The following UNC5C variants were observed in gnomAD, a reference collection of about 807,000 sequenced individuals.
The protein encoded by UNC5C is netrin receptor UNC5C.
UNC5C carries 47 observed loss-of-function variants against 99.8 expected under a neutral mutation model. The observed-to-expected ratio is 0.47, with a 90% CI of 0.37 to 0.60. The LOEUF (loss-of-function observed/expected upper bound fraction) is 0.60. Ranked by LOEUF, UNC5C falls within the 20% of genes least tolerant of loss-of-function variation. The pLI is 0.00. For missense variants in UNC5C, 1,062 were observed against 1,165.9 expected (o/e 0.91, Z 1.30); for synonymous variants, 487 against 452.2 (o/e 1.08, Z -0.98).
intron 4 of UNC5C, among the ~76,000 whole-genome samples, chr4:95,253,732 C>G (rs563108064): frequency 1.3e-5 from 2 of 152,128 alleles, no homozygotes; most frequent in South Asian, 4.1e-4. Flanking sequence ...CCCACAGTCC[C>G]CAACACCCCA....
intron 14 of UNC5C, among the ~76,000 whole-genome samples, chr4:95,180,049 G>C (rs1298799272): frequency 6.6e-6 from 1 of 152,058 alleles, no homozygotes; most frequent in Non-Finnish European, 1.5e-5. Context: ...CAAAAGCCCT[G>C]TTATCCTTAT....
intron 1 of UNC5C, among the ~76,000 whole-genome samples, chr4:95,523,010 C>G (rs1444449390): frequency 6.6e-6 from 1 of 152,096 alleles, no homozygotes; most frequent in East Asian, 1.9e-4. Flanking sequence ...TTATCTTTGC[C>G]TGGATTCCCT....
At chr4:95,424,518 C>CTTTCTTTTTTTTTTTTTTTTTTTTTTTTT (rs1746411107) in intron 1 of UNC5C, among the ~76,000 whole-genome samples, 26 of 67,952 alleles carry the variant, frequency 3.8e-4, no homozygotes, top group Non-Finnish European at 4.3e-4. Flanking sequence ...TTTTTCTTTT[C>CTTTCTTTTTTTTTTTTTTTTTTTTTTTTT]TTTTTTTTTT....
chr4:95,497,546 A>T (rs1344766227), intron 1 of UNC5C, among the ~76,000 whole-genome samples: 1 of 151,670 alleles, frequency 6.6e-6, no homozygotes, highest in Non-Finnish European at 1.5e-5. Context: ...TAGATAAGAC[A>T]TGGGCTATAC....
intron 12 of UNC5C, among the ~76,000 whole-genome samples, chr4:95,197,200 A>T (rs545422241): frequency 1.3e-5 from 2 of 149,540 alleles, no homozygotes; most frequent in African/African-American, 2.5e-5. Context: ...ATAATAATAA[A>T]AAGTGATAAT....
chr4:95,388,955 C>G (rs948817982), intron 1 of UNC5C, among the ~76,000 whole-genome samples: 3 of 152,098 alleles, frequency 2.0e-5, no homozygotes, highest in Non-Finnish European at 2.9e-5. Flanking sequence ...TTCCTAGAGT[C>G]TGCCAGTTAA....
At chr4:95,260,935 G>A (rs1287250101) in intron 4 of UNC5C, among the ~76,000 whole-genome samples, 1 of 152,166 alleles carries the variant, frequency 6.6e-6, no homozygotes, top group Non-Finnish European at 1.5e-5. Flanking sequence ...TGTGAAAGAA[G>A]TAGTTGCATT....
At chr4:95,281,127 G>A (rs1741043274) in intron 3 of UNC5C, among the ~76,000 whole-genome samples, 1 of 152,028 alleles carries the variant, frequency 6.6e-6, no homozygotes, top group Non-Finnish European at 1.5e-5. Flanking sequence ...TGTGGGGTTG[G>A]GCAAAGACAT....
intron 3 of UNC5C, among the ~76,000 whole-genome samples, chr4:95,300,140 A>G (rs187019853): frequency 5.1e-4 from 78 of 152,324 alleles, no homozygotes; most frequent in Non-Finnish European, 7.4e-4. Context: ...AAGAAAATAT[A>G]TGGATTTCAG....
intron 3 of UNC5C, among the ~76,000 whole-genome samples, chr4:95,280,317 A>G (rs60290463): frequency 0.047 from 7,200 of 152,300 alleles, 544 homozygotes; most frequent in African/African-American, 0.16. Context: ...GCAAGACAAG[A>G]GACCTCCAAA....
chr4:95,367,972 A>T (rs1158529139), intron 1 of UNC5C, among the ~76,000 whole-genome samples: 1 of 152,198 alleles, frequency 6.6e-6, no homozygotes, highest in Non-Finnish European at 1.5e-5. Context: ...ATTCTGATGA[A>T]AGACAGATAT....
rs964427278 is a variant in UNC5C, at chr4:95,331,436, G to A, written c.346+3974C>T. 3.9e-5 allele frequency among the ~76,000 whole-genome samples: 6 copies of A among 152,032 alleles called. 1 individual carries two copies. The highest frequency in any genetic ancestry group is 1.4e-4 in the African/African-American group (6 of 41,440). Reference sequence around the variant, plus strand: ...TTGTACTAATGTACATTCCCACCAAGTTTTTCAAAACTTTAAAGGTAATAC... The same window carrying A: ...TTGTACTAATGTACATTCCCACCAAATTTTTCAAAACTTTAAAGGTAATAC... On this transcript the variant is annotated intron_variant, in intron 2 of 15. Transcript: ENST00000453304.
chr4:95,221,248 C>T (rs1229006468), intron 7 of UNC5C, among the ~76,000 whole-genome samples: 1 of 152,174 alleles, frequency 6.6e-6, no homozygotes, highest in Non-Finnish European at 1.5e-5. Context: ...CAAAGCTGCT[C>T]CACTCACTGT....
intron 5 of UNC5C, among the ~76,000 whole-genome samples, chr4:95,249,815 G>A (rs1739627695): frequency 6.6e-6 from 1 of 152,172 alleles, no homozygotes; most frequent in Admixed American, 6.5e-5. Flanking sequence ...GGGCCACTTG[G>A]CCAGATAAGG....
chr4:95,405,646 A>G (rs776958210), intron 1 of UNC5C, among the ~76,000 whole-genome samples: 2 of 152,160 alleles, frequency 1.3e-5, no homozygotes, highest in Non-Finnish European at 2.9e-5. Flanking sequence ...CTGACTCCTC[A>G]TTTTAGATGA....
At chr4:95,307,401 A>G (rs1261832854) in intron 2 of UNC5C, among the ~76,000 whole-genome samples, 1 of 152,188 alleles carries the variant, frequency 6.6e-6, no homozygotes, top group Non-Finnish European at 1.5e-5. Flanking sequence ...GATTAAGATG[A>G]ATGTAAGAAA....
At position 95,219,300 on chromosome 4, in the gene UNC5C, T is replaced by C. The variant is rs1455261286; in HGVS notation, c.1314A>G (p.Val438=). The C allele has an allele frequency of 6.2e-7, 1 of 1,613,240 alleles. No homozygotes were observed. The highest frequency in any genetic ancestry group is 1.3e-5 in the African/African-American group (1 of 74,862). Residue 438 remains valine, a synonymous_variant, in exon 9 of 16, where the codon GTA becomes GTG. Transcript: ENST00000453304. ...IKAARQDLLA[V]PPDLTSAAAM... ...CTGCAGCTGACGTGAGGTCTGGGGG[T>C]ACAGCCAGCAGATCTGAGTCAGAAA...
At chr4:95,306,794 A>C (rs1056761881) in intron 2 of UNC5C, among the ~76,000 whole-genome samples, 10 of 152,166 alleles carry the variant, frequency 6.6e-5, no homozygotes, top group African/African-American at 2.2e-4. Context: ...AGAACTGCAG[A>C]GCTCCCTCCA....
intron 1 of UNC5C, among the ~76,000 whole-genome samples, chr4:95,458,305 T>G (rs2149469929): frequency 6.6e-6 from 1 of 152,142 alleles, no homozygotes; most frequent in Admixed American, 6.6e-5. Flanking sequence ...AAAAACAGGG[T>G]TTGGAAGAGG....
Sources: gnomAD v4.1 joint callset for allele counts (sites outside exome capture counted in the v4.1 genomes callset) on GRCh38, gnomAD v4.1.1 for gene constraint, MANE v1.5 for transcripts, NCBI Gene and HGNC (gene_info 2026-07-23, HGNC 2026-07-21) for gene names.